SSX3: variants seen among roughly 807,000 people sequenced by gnomAD.
SSX3 encodes the protein protein SSX3.
In SSX3, 6 loss-of-function variants were observed where a neutral mutation model predicts 14.8. The observed-to-expected ratio is 0.41, with a 90% CI of 0.22 to 0.80. The LOEUF is 0.80. Among genes scored for constraint, SSX3 ranks in the 30% least tolerant of loss-of-function variants. SSX3 has a pLI of 0.34. For missense variants in SSX3, 163 were observed against 152.2 expected (o/e 1.07, Z -0.37); for synonymous variants, 55 against 52.9 (o/e 1.04, Z -0.18).
At chrX:48,349,523 C>T (rs376102520) in intron 6 of SSX3, 3 of 1,207,726 alleles carry the variant, frequency 2.5e-6, no homozygotes, top group African/African-American at 1.7e-5. Context: ...AAACAAAAAA[C>T]AATGTGTGTG....
At position 48,352,206 on chromosome X, in the gene SSX3, G is replaced by A. The variant is rs1556950055; in HGVS notation, c.281-57C>T. ...TTGGTAAAGGTTTCCAAACTCTAGA[G>A]AGACTTCTGTCGCATCAGGGTATTC... On this transcript the variant is annotated intron_variant, in intron 4 of 7. Coordinates refer to ENST00000298396, the MANE Select transcript of SSX3 (RefSeq NM_021014.4). 7 of 1,152,457 alleles carry A rather than the reference G, an allele frequency of 6.1e-6. No individual in the cohort carries two copies. The Admixed American group carries it at 1.5e-4, about 25-fold the overall frequency. The allele number at this position is 1,152,457 out of a possible 1,213,427, so 95.0% of individuals were successfully genotyped here.
chrX:48,347,226 A>T (rs2061242738), intron 7 of SSX3, among the ~76,000 whole-genome samples, 191 bp from the exon 8 acceptor site: 2 of 112,463 alleles, frequency 1.8e-5, no homozygotes, highest in South Asian at 3.7e-4. Context: ...CGCCTGGGCT[A>T]TCAATTCCTA....
At position 48,354,757 on chromosome X, in the gene SSX3, A is replaced by T. The variant is rs782315858; in HGVS notation, c.70-11T>A. 9.1e-6 allele frequency: 11 copies of T among 1,203,441 alleles called. No individual in the cohort carries two copies. The South Asian group carries it at 1.1e-4, about 12-fold the overall frequency. On this transcript the variant is annotated splice_polypyrimidine_tract_variant and intron_variant, in intron 2 of 7. Coordinates refer to ENST00000298396, the MANE Select transcript of SSX3 (RefSeq NM_021014.4). Reference sequence around the variant, plus strand: ...AATATCATCGAAGGCCTACAAAAAAAAAAAAAAGGAATTATGGCAGGGACT... The same window carrying T: ...AATATCATCGAAGGCCTACAAAAAATAAAAAAAGGAATTATGGCAGGGACT...
intron 6 of SSX3, chrX:48,349,353 C>T: frequency 1.9e-6 from 1 of 531,391 alleles, no homozygotes; most frequent in Non-Finnish European, 2.9e-6. Flanking sequence ...CAAGACCCTC[C>T]ACCAGCAAAA....
intron 4 of SSX3, among the ~76,000 whole-genome samples, chrX:48,353,787 CTTA>C (rs1490972832): frequency 9.0e-6 from 1 of 110,809 alleles, no homozygotes; most frequent in Non-Finnish European, 1.9e-5. Flanking sequence ...TTACCATTTA[CTTA>C]TTATCCATAA....
chrX:48,353,281 T>C, intron 4 of SSX3, among the ~76,000 whole-genome samples: 1 of 111,204 alleles, frequency 9.0e-6, no homozygotes, highest in Middle Eastern at 4.6e-3. Flanking sequence ...GATCTCAACA[T>C]TACCCCACAG....
At position 48,354,891 on chromosome X, in the gene SSX3, G is replaced by A. The variant is rs1296681690; in HGVS notation, c.70-145C>T. 7.5e-6 allele frequency: 9 copies of A among 1,193,485 alleles called. No individual in the cohort carries two copies. The Admixed American group carries it at 1.6e-4, about 21-fold the overall frequency. On this transcript the variant is annotated intron_variant, in intron 2 of 7. Coordinates refer to ENST00000298396, the MANE Select transcript of SSX3 (RefSeq NM_021014.4). ...CCACGGCTAACTGACAGAACATGAG[G>A]GACCTTCCTAGCTTCACCCCTGCCA...
At position 48,354,111 on chromosome X, in the gene SSX3, T is replaced by A. The variant is rs782545521; in HGVS notation, c.185-17A>T. The A allele has an allele frequency of 6.8e-6, 8 of 1,173,895 alleles. No individual in the cohort carries two copies. Among genetic ancestry groups the A allele is most frequent in the Non-Finnish European group, 1.2e-6 (1 of 863,147 alleles). On this transcript the variant is annotated splice_polypyrimidine_tract_variant and intron_variant, in intron 3 of 7. Transcript: ENST00000298396. ...CCTTGAAACCTAGAAAGAAGCAAAA[T>A]GTTTATTCCTTAAGAGACAAGCTTG...
intron 5 of SSX3, among the ~76,000 whole-genome samples, chrX:48,351,474 C>A (rs1410800444): frequency 8.9e-6 from 1 of 112,224 alleles, no homozygotes; most frequent in African/African-American, 3.2e-5. Context: ...CTTCCTGTTG[C>A]GAGAGTGGGT....
intron 3 of SSX3, 45 bp downstream of exon 3, chrX:48,354,587 G>A (rs1556950620): frequency 8.8e-7 from 1 of 1,139,696 alleles, no homozygotes; most frequent in African/African-American, 1.8e-5. Flanking sequence ...GAAAAGGGAT[G>A]CTCATGTGTC....
chrX:48,354,850 T>A lies in SSX3; in HGVS notation c.70-104A>T, dbSNP rs2061279469. The A allele has an allele frequency of 2.2e-5, 26 of 1,180,701 alleles. No individual in the cohort carries two copies. In the South Asian group the frequency reaches 4.6e-4, roughly 21 times the overall value. On this transcript the variant is annotated intron_variant, in intron 2 of 7. Transcript: ENST00000298396. ...TGCTGGATCTGGGAAGTGGGGATAA[T>A]CCTTCCTGGTTGATGCCACGGCTAA... is the stretch of plus-strand genomic sequence containing the variant.
intron 4 of SSX3, among the ~76,000 whole-genome samples, chrX:48,353,565 G>A (rs1290076523): frequency 9.0e-6 from 1 of 111,143 alleles, no homozygotes; most frequent in Non-Finnish European, 1.9e-5. Flanking sequence ...GTGAAAGTTG[G>A]AGTGAGCTGA....
intron 5 of SSX3, 127 bp downstream of exon 5, chrX:48,351,973 G>T: frequency 2.3e-6 from 2 of 869,386 alleles, no homozygotes; most frequent in Non-Finnish European, 1.7e-6. Flanking sequence ...TGCTACATCA[G>T]GTGTTGTGAT....
rs782798652 is a variant in SSX3, at chrX:48,352,126, C to T, written c.304G>A (p.Gly102Ser). The T allele has an allele frequency of 7.4e-6, 9 of 1,208,066 alleles. No homozygotes were observed. Among genetic ancestry groups the T allele is most frequent in the East Asian group, 3.0e-5 (1 of 33,739 alleles). Residue 102 changes from glycine to serine, a missense_variant, in exon 5 of 8, where the codon GGC becomes AGC. Transcript: ENST00000298396. The part of the protein sequence containing the change: ...NQVQRPQMTF[G>S]RLQGIFPKIM... ...TTCGGGAAGATTCCCTGGAGCCTGCCGAAAGTCATCTGAGGACGTTGAACT... is the reference window on the plus strand; with the variant it reads ...TTCGGGAAGATTCCCTGGAGCCTGCTGAAAGTCATCTGAGGACGTTGAACT...
At chrX:48,349,589 T>A in intron 6 of SSX3, 2 of 1,209,755 alleles carry the variant, frequency 1.7e-6, no homozygotes, top group South Asian at 3.5e-5. Flanking sequence ...GAAGGACACC[T>A]GTATTGGGTA....
intron 6 of SSX3, among the ~76,000 whole-genome samples, chrX:48,347,995 A>G (rs1459016722): frequency 3.9e-4 from 44 of 112,399 alleles, no homozygotes; most frequent in African/African-American, 1.4e-3. Context: ...CCAATTTTAC[A>G]CTTTTCCATT....
intron 5 of SSX3, among the ~76,000 whole-genome samples, chrX:48,350,842 C>G (rs2061259572): frequency 9.5e-6 from 1 of 105,484 alleles, no homozygotes; most frequent in African/African-American, 3.5e-5. Context: ...ATGATATCGG[C>G]TCAAGGCAAT....
In SSX3 at chrX:48,352,090, A is replaced by T; in HGVS notation, c.330+10T>A. The T allele has an allele frequency of 8.3e-7, 1 of 1,208,275 alleles. No individual in the cohort carries two copies. The highest frequency in any genetic ancestry group is 2.2e-5 in the Admixed American group (1 of 46,028). On this transcript the variant is annotated intron_variant, in intron 5 of 7. Coordinates refer to ENST00000298396, the MANE Select transcript of SSX3 (RefSeq NM_021014.4). ...GGTTCTCTGGTCCTTTAGATCTGAA[A>T]GATACTCACCTTCGGGAAGATTCCC... is the stretch of plus-strand genomic sequence containing the variant.
chrX:48,351,279 T>A (rs1556949793), intron 5 of SSX3, among the ~76,000 whole-genome samples: 1 of 111,980 alleles, frequency 8.9e-6, no homozygotes, highest in Non-Finnish European at 1.9e-5. Flanking sequence ...CAGAGTTGAA[T>A]CTGCACTTGT....
Sources: allele counts gnomAD v4.1 joint callset (sites outside exome capture counted in the v4.1 genomes callset), GRCh38; gene constraint gnomAD v4.1.1; transcripts MANE v1.5; gene names NCBI Gene and HGNC (gene_info 2026-07-23, HGNC 2026-07-21).